Variants in MKX observed in about 807,000 individuals in gnomAD.
MKX encodes homeobox protein Mohawk.
A neutral mutation model predicts 36.0 loss-of-function variants in MKX; 13 were observed. That is an observed-to-expected ratio of 0.36 (90% CI 0.24 to 0.57). MKX has a LOEUF of 0.57. MKX is among the 20% of genes least tolerant of loss of function. The pLI is 0.79. For synonymous variants in MKX, 176 were observed against 178.3 expected (o/e 0.99, Z 0.10); for missense variants, 458 against 456.4 (o/e 1.00, Z -0.03).
intron 5 of MKX, among the ~76,000 whole-genome samples, chr10:27,733,084 T>G (rs1232245634): frequency 6.6e-6 from 1 of 152,206 alleles, no homozygotes; most frequent in Non-Finnish European, 1.5e-5. Context: ...TCTTTTATTT[T>G]TTCTTCTTCC....
At chr10:27,736,266 G>T (rs562979123) in intron 3 of MKX, among the ~76,000 whole-genome samples, 1 of 152,300 alleles carries the variant, frequency 6.6e-6, no homozygotes, top group East Asian at 1.9e-4. Context: ...CATGGGTGAA[G>T]AGGGGGAAAA....
intron 5 of MKX, among the ~76,000 whole-genome samples, chr10:27,685,683 C>T (rs1432252051): frequency 2.6e-5 from 4 of 152,158 alleles, no homozygotes; most frequent in African/African-American, 9.7e-5. Flanking sequence ...ATCTCCTAAC[C>T]TTGTGATCCA....
At chr10:27,700,566 C>T (rs1258920249) in intron 5 of MKX, among the ~76,000 whole-genome samples, 1 of 152,106 alleles carries the variant, frequency 6.6e-6, no homozygotes, top group Non-Finnish European at 1.5e-5. Flanking sequence ...ACCCAAGAAT[C>T]GATTCTGGCC....
intron 3 of MKX, among the ~76,000 whole-genome samples, chr10:27,739,036 TAGC>T (rs1202262973): frequency 6.6e-6 from 1 of 152,040 alleles, no homozygotes; most frequent in African/African-American, 2.4e-5. Flanking sequence ...TCTAGGAACA[TAGC>T]AGTTTTAACA....
chr10:27,701,487 A>G (rs928791674), intron 5 of MKX, among the ~76,000 whole-genome samples: 3 of 145,878 alleles, frequency 2.1e-5, no homozygotes, highest in Non-Finnish European at 4.5e-5. Context: ...GTGTATAAAT[A>G]TATAATATAA....
intron 4 of MKX, 43 bp from the exon 5 acceptor site, chr10:27,734,834 T>G: frequency 2.3e-6 from 3 of 1,326,032 alleles, no homozygotes; most frequent in Non-Finnish European, 3.1e-6. Flanking sequence ...TATGCATACT[T>G]TCCCCCAGCC....
At chr10:27,686,980 A>G (rs1278085665) in intron 5 of MKX, among the ~76,000 whole-genome samples, 1 of 150,438 alleles carries the variant, frequency 6.6e-6, no homozygotes, top group African/African-American at 2.4e-5. Flanking sequence ...CTCCTGCTAG[A>G]GAATAAAAAT....
chr10:27,706,559 G>GTT (rs1226989252), intron 5 of MKX, among the ~76,000 whole-genome samples: 1 of 151,652 alleles, frequency 6.6e-6, no homozygotes, highest in African/African-American at 2.4e-5. Flanking sequence ...GTGTGTGTGT[G>GTT]TGTGTGTGTG....
chr10:27,743,069 T>G (rs1834945584), intron 2 of MKX, among the ~76,000 whole-genome samples, 159 bp downstream of exon 2: 2 of 152,028 alleles, frequency 1.3e-5, no homozygotes, highest in Non-Finnish European at 2.9e-5. Flanking sequence ...CCCCTTAACA[T>G]GAGAATGCGC....
Position 27,744,371 on chromosome 10 carries a change from T to C in MKX, c.-82-874A>G, listed in dbSNP as rs1249627999. The stretch of plus-strand genomic sequence containing the variant: ...TCTCCGGGGACCCTTTCAGAGGCTG[T>C]AAAGGTGTCAGAAGCCCAAGGCAGG... On this transcript the variant is annotated intron_variant, in intron 1 of 6. Transcript: ENST00000419761. The surrounding 1 kb of genome is among the most constrained non-coding windows in gnomAD (Gnocchi z 5.6). 6.6e-6 allele frequency among the ~76,000 whole-genome samples: 1 copy of C among 151,990 alleles called. No individual in the cohort carries two copies. Among genetic ancestry groups the C allele is most frequent in the South Asian group, 2.1e-4 (1 of 4,820 alleles).
At chr10:27,689,677 C>G (rs971150872) in intron 5 of MKX, among the ~76,000 whole-genome samples, 5 of 152,116 alleles carry the variant, frequency 3.3e-5, no homozygotes, top group Non-Finnish European at 5.9e-5. Context: ...CCTCCCATGA[C>G]CCCTTTTGAC....
At chr10:27,682,175 T>C (rs985176925) in intron 5 of MKX, among the ~76,000 whole-genome samples, 1 of 152,044 alleles carries the variant, frequency 6.6e-6, no homozygotes, top group East Asian at 1.9e-4. Flanking sequence ...AAATAAAAAA[T>C]GAAAAATTTT....
chr10:27,680,685 A>G (rs993014932), intron 5 of MKX, among the ~76,000 whole-genome samples: 16 of 152,236 alleles, frequency 1.1e-4, no homozygotes, highest in African/African-American at 3.6e-4. Context: ...AAAAAATTTA[A>G]TAAATAAGCT....
At chr10:27,705,457 C>T (rs186636939) in intron 5 of MKX, among the ~76,000 whole-genome samples, 1 of 152,086 alleles carries the variant, frequency 6.6e-6, no homozygotes, top group African/African-American at 2.4e-5. Flanking sequence ...TGGGCTCAAG[C>T]GATCCTACTG....
intron 5 of MKX, among the ~76,000 whole-genome samples, chr10:27,701,395 A>G (rs1281568723): frequency 6.8e-6 from 1 of 147,516 alleles, no homozygotes; most frequent in African/African-American, 2.5e-5. Context: ...TATGTATAAA[A>G]TTATAAAATA....
At chr10:27,676,232 C>T (rs1054040247) in intron 5 of MKX, among the ~76,000 whole-genome samples, 1 of 149,346 alleles carries the variant, frequency 6.7e-6, no homozygotes, top group Non-Finnish European at 1.5e-5. Flanking sequence ...AGTGATTGTG[C>T]CACTGCACTC....
rs76288653 is a variant in MKX, at chr10:27,683,484, C to T, written c.839-7930G>A. 4.1e-3 allele frequency among the ~76,000 whole-genome samples: 625 copies of T among 152,358 alleles called. 13 individuals carry two copies. The East Asian group carries it at 0.052, about 13-fold the overall frequency. ...ACACTTGCATTTCTTAGAGCACTTCCCTGCTGTTAAGCAACACATGGCTAT... is the reference window on the plus strand; with the variant it reads ...ACACTTGCATTTCTTAGAGCACTTCTCTGCTGTTAAGCAACACATGGCTAT... On this transcript the variant is annotated intron_variant, in intron 5 of 6. Coordinates refer to ENST00000419761, the MANE Select transcript of MKX (RefSeq NM_173576.3).
intron 5 of MKX, among the ~76,000 whole-genome samples, chr10:27,726,381 A>G (rs1834488820): frequency 6.6e-6 from 1 of 152,210 alleles, no homozygotes; most frequent in South Asian, 2.1e-4. Context: ...TAAAGGTGGC[A>G]TGCCGCAGGG....
intron 5 of MKX, among the ~76,000 whole-genome samples, chr10:27,728,953 C>T (rs1834555517): frequency 1.3e-5 from 2 of 152,238 alleles, no homozygotes; most frequent in African/African-American, 2.4e-5. Flanking sequence ...TGTCTCCAAC[C>T]GCAGCAGGAC....
Sources: gnomAD v4.1 joint callset for allele counts (sites outside exome capture counted in the v4.1 genomes callset) on GRCh38, gnomAD v4.1.1 for gene constraint, Gnocchi (gnomAD v3.1) non-coding constraint, MANE v1.5 for transcripts, NCBI Gene and HGNC (gene_info 2026-07-23, HGNC 2026-07-21) for gene names.